SPIDR: variants seen among roughly 807,000 people sequenced by gnomAD.
SPIDR encodes the protein DNA repair-scaffolding protein.
In SPIDR, 93 loss-of-function variants were observed where a neutral mutation model predicts 104.6. The ratio of observed to expected loss-of-function variants is 0.89; its 90% CI spans 0.75 to 1.06. SPIDR has a LOEUF of 1.06. SPIDR is among the 50% of genes least tolerant of loss of function. SPIDR has a pLI of 0.00. For missense variants in SPIDR, 1,154 were observed against 1,111.2 expected (o/e 1.04, Z -0.55); for synonymous variants, 431 against 416.9 (o/e 1.03, Z -0.41).
At position 47,713,500 on chromosome 8, in the gene SPIDR, T is replaced by G; in HGVS notation, c.2200T>G (p.Cys734Gly). 2 of 1,614,202 alleles carry G rather than the reference T, an allele frequency of 1.2e-6. No homozygotes were observed. Among genetic ancestry groups the G allele is most frequent in the Non-Finnish European group, 1.7e-6 (2 of 1,180,032 alleles). Residue 734 changes from cysteine to glycine, a missense_variant, in exon 16 of 20, where the codon TGT (cysteine) becomes GGT (glycine). Coordinates refer to ENST00000297423, the MANE Select transcript of SPIDR (RefSeq NM_001080394.4). ...DALRDQGRIV[C>G]AERTVLLLQK... ...GTCTCTGTCGGCAGGTCGGATTGTT[T>G]GTGCTGAACGAACTGTCCTCTTGCT...
chr8:47,483,957 G>A (rs1364206672), intron 8 of SPIDR, among the ~76,000 whole-genome samples: 1 of 151,532 alleles, frequency 6.6e-6, no homozygotes, highest in Non-Finnish European at 1.5e-5. Flanking sequence ...TTGAAACCTG[G>A]AAAATTACCA....
chr8:47,528,126 A>T (rs916646317), intron 8 of SPIDR: 1 of 152,324 alleles, frequency 6.6e-6, no homozygotes, highest in Admixed American at 6.5e-5. Context: ...GTAATTTTTT[A>T]AAATAAATCG....
At chr8:47,442,788 C>G (rs890479759) in intron 8 of SPIDR, among the ~76,000 whole-genome samples, 8 of 152,192 alleles carry the variant, frequency 5.3e-5, no homozygotes, top group African/African-American at 1.9e-4. Context: ...TTTGTAGAGA[C>G]AGAGTCTTGC....
Position 47,648,301 on chromosome 8 carries a change from C to T in SPIDR, c.1545-25500C>T, listed in dbSNP as rs555950249. Among the ~76,000 whole-genome samples, 12 of 152,232 alleles carry T rather than the reference C, an allele frequency of 7.9e-5. No individual in the cohort carries two copies. In the East Asian group the frequency reaches 9.7e-4, roughly 12 times the overall value. On this transcript the variant is annotated intron_variant, in intron 10 of 19. Transcript: ENST00000297423. ...CAAGATGAATGGTGATACCATTAAA[C>T]GAGACAGAAAATTCAGGAGGGAGAA...
At chr8:47,461,024 TCTG>T (rs1194441096) in intron 8 of SPIDR, among the ~76,000 whole-genome samples, 13 of 152,224 alleles carry the variant, frequency 8.5e-5, no homozygotes, top group Non-Finnish European at 1.8e-4. Flanking sequence ...TGCTGAGAAA[TCTG>T]CTGTTAATCT....
At chr8:47,695,629 G>A (rs2079220475) in intron 11 of SPIDR, among the ~76,000 whole-genome samples, 1 of 152,178 alleles carries the variant, frequency 6.6e-6, no homozygotes, top group Admixed American at 6.5e-5. Context: ...AAGAGAATAG[G>A]CAAGCAAGCT....
In SPIDR at chr8:47,643,122, A is replaced by G. The variant is rs141728279; in HGVS notation, c.1545-30679A>G. ...TCTTCTCAGCTAACATCTTATACCT[A>G]GATAACTGTTGAGGTTTATAAAGGC... On this transcript the variant is annotated intron_variant, in intron 10 of 19. Transcript: ENST00000297423. 3.0e-3 allele frequency among the ~76,000 whole-genome samples: 451 copies of G among 152,262 alleles called. 3 individuals carry two copies. Among genetic ancestry groups the G allele is most frequent in the African/African-American group, 0.011 (441 of 41,538 alleles).
At chr8:47,328,570 A>T (rs550323473) in intron 5 of SPIDR, among the ~76,000 whole-genome samples, 1 of 152,044 alleles carries the variant, frequency 6.6e-6, no homozygotes, top group South Asian at 2.1e-4. Flanking sequence ...CATTTTTTTG[A>T]ATATGGAAAT....
At chr8:47,591,458 T>TTATC (rs1364345987) in intron 8 of SPIDR, among the ~76,000 whole-genome samples, 4 of 150,350 alleles carry the variant, frequency 2.7e-5, no homozygotes, top group Admixed American at 2.6e-4. Flanking sequence ...ATTTATTTAT[T>TTATC]TATCTTTTAG....
At chr8:47,624,588 A>G (rs2065720214) in intron 10 of SPIDR, among the ~76,000 whole-genome samples, 1 of 152,232 alleles carries the variant, frequency 6.6e-6, no homozygotes, top group Non-Finnish European at 1.5e-5. Context: ...ACAAACTACC[A>G]TCAGAGAATA....
intron 1 of SPIDR, among the ~76,000 whole-genome samples, chr8:47,275,930 C>T (rs1197394318): frequency 6.6e-6 from 1 of 152,208 alleles, no homozygotes; most frequent in African/African-American, 2.4e-5. Flanking sequence ...GATCACAGCT[C>T]ACTGCAGCCT....
intron 7 of SPIDR, among the ~76,000 whole-genome samples, chr8:47,409,983 G>A (rs1399718502): frequency 1.3e-5 from 2 of 152,108 alleles, no homozygotes; most frequent in African/African-American, 2.4e-5. Context: ...AGCTATGATC[G>A]CACCTCTGCA....
chr8:47,303,920 A>T (rs906997614), intron 5 of SPIDR, among the ~76,000 whole-genome samples: 6 of 151,960 alleles, frequency 3.9e-5, no homozygotes, highest in South Asian at 2.1e-4. Context: ...CAGTTGATCC[A>T]CCCACCTCGG....
At chr8:47,557,211 T>C (rs903482101) in intron 8 of SPIDR, among the ~76,000 whole-genome samples, 3 of 152,158 alleles carry the variant, frequency 2.0e-5, no homozygotes, top group African/African-American at 7.2e-5. Context: ...GTTCAGATAC[T>C]GTGGAAGTAT....
intron 8 of SPIDR, among the ~76,000 whole-genome samples, chr8:47,556,109 G>A (rs1332248404): frequency 6.6e-6 from 1 of 152,126 alleles, no homozygotes; most frequent in Non-Finnish European, 1.5e-5. Context: ...TGTCAGCCAG[G>A]GACGATTTTC....
At chr8:47,345,778 G>A (rs547475402) in intron 5 of SPIDR, among the ~76,000 whole-genome samples, 2 of 152,260 alleles carry the variant, frequency 1.3e-5, no homozygotes, top group African/African-American at 4.8e-5. Flanking sequence ...TCTTATTGGT[G>A]TATAGGAATG....
At chr8:47,581,578 C>T (rs924377693) in intron 8 of SPIDR, among the ~76,000 whole-genome samples, 1 of 151,998 alleles carries the variant, frequency 6.6e-6, no homozygotes, top group African/African-American at 2.4e-5. Flanking sequence ...ACAGAAGATG[C>T]ATCTACCATC....
chr8:47,713,056 A>G (rs2082099641), intron 15 of SPIDR, 184 bp downstream of exon 15: 4 of 1,363,366 alleles, frequency 2.9e-6, no homozygotes, highest in Non-Finnish European at 3.8e-6. Context: ...CCACCTGGGC[A>G]GAACCAGCTC....
Position 47,351,417 on chromosome 8 carries a change from T to TG in SPIDR, c.526-44956dup, listed in dbSNP as rs533572058. 2.7e-3 allele frequency among the ~76,000 whole-genome samples: 415 copies of TG among 152,136 alleles called. 5 individuals are homozygous for TG. Among genetic ancestry groups the TG allele is most frequent in the South Asian group, 0.017 (82 of 4,822 alleles). The stretch of plus-strand genomic sequence containing the variant: ...ACTGAGTTGGGTTTTGAAGACCGAG[T>TG]GGGATTTACCACATTTAAAGTAGAA... On this transcript the variant is annotated intron_variant, in intron 5 of 19. Coordinates refer to ENST00000297423, the MANE Select transcript of SPIDR (RefSeq NM_001080394.4).
Sources: gnomAD v4.1 joint callset for allele counts (sites outside exome capture counted in the v4.1 genomes callset) on GRCh38, gnomAD v4.1.1 for gene constraint, MANE v1.5 for transcripts, NCBI Gene and HGNC (gene_info 2026-07-23, HGNC 2026-07-21) for gene names.